The following NXPH2 variants were observed in gnomAD, a reference collection of about 807,000 sequenced individuals.
NXPH2 encodes the protein neurexophilin-2.
Under a neutral mutation model 19.8 loss-of-function variants are expected in NXPH2, and 5 were observed. The ratio of observed to expected loss-of-function variants is 0.25; its 90% CI spans 0.13 to 0.53. The LOEUF (loss-of-function observed/expected upper bound fraction) is 0.53. Among genes scored for constraint, NXPH2 ranks in the 20% least tolerant of loss-of-function variants. The probability of loss-of-function intolerance (pLI) is 0.96; values close to 1 mark genes in which losing one functional copy is unlikely to be tolerated. For missense variants in NXPH2, 289 were observed against 322.8 expected (o/e 0.90, Z 0.80); for synonymous variants, 154 against 127.4 (o/e 1.21, Z -1.41).
intron 1 of NXPH2, among the ~76,000 whole-genome samples, chr2:138,708,056 G>A (rs368615382): frequency 6.6e-6 from 1 of 152,176 alleles, no homozygotes; most frequent in South Asian, 2.1e-4. Context: ...TGCCAGGGCT[G>A]TCTCCTCTTA....
At chr2:138,741,822 G>A (rs1681647306) in intron 1 of NXPH2, among the ~76,000 whole-genome samples, 1 of 152,074 alleles carries the variant, frequency 6.6e-6, no homozygotes, top group African/African-American at 2.4e-5. Context: ...TAATTAATTA[G>A]ATGCCAAATT....
chr2:138,764,719 A>C (rs958626428), intron 1 of NXPH2, among the ~76,000 whole-genome samples: 1 of 152,222 alleles, frequency 6.6e-6, no homozygotes, highest in Non-Finnish European at 1.5e-5. Flanking sequence ...GAAGTTTAGT[A>C]ATGTTACTTG....
At chr2:138,755,549 T>TA (rs1464898736) in intron 1 of NXPH2, among the ~76,000 whole-genome samples, 1 of 152,104 alleles carries the variant, frequency 6.6e-6, no homozygotes, top group Non-Finnish European at 1.5e-5. Flanking sequence ...TTGCTTTTTT[T>TA]AACCAATACC....
chr2:138,678,136 T>C (rs1680514839), intron 1 of NXPH2, among the ~76,000 whole-genome samples: 1 of 152,262 alleles, frequency 6.6e-6, no homozygotes. Context: ...TCTCTGACTT[T>C]CCTTGTTTTG....
intron 1 of NXPH2, among the ~76,000 whole-genome samples, chr2:138,774,848 ATTG>A (rs1465151918): frequency 6.6e-6 from 1 of 152,232 alleles, no homozygotes; most frequent in East Asian, 1.9e-4. Flanking sequence ...CATGAAATTC[ATTG>A]TTCTTCCCAA....
chr2:138,740,238 G>A (rs531164930), intron 1 of NXPH2, among the ~76,000 whole-genome samples: 2 of 152,300 alleles, frequency 1.3e-5, no homozygotes, highest in Non-Finnish European at 2.9e-5. Flanking sequence ...GGGTAACTTA[G>A]GAAGAGAGGG....
intron 1 of NXPH2, among the ~76,000 whole-genome samples, chr2:138,696,938 T>G (rs1277015582): frequency 2.6e-5 from 4 of 152,010 alleles, no homozygotes; most frequent in African/African-American, 4.8e-5. Flanking sequence ...AAAATAAAAA[T>G]AGTAAACCTA....
chr2:138,678,898 A>C (rs965766307), intron 1 of NXPH2, among the ~76,000 whole-genome samples: 3 of 152,298 alleles, frequency 2.0e-5, no homozygotes, highest in Admixed American at 6.5e-5. Flanking sequence ...CAACTTGTTT[A>C]TCAAAGGGAA....
At position 138,670,806 on chromosome 2, in the gene NXPH2, A is replaced by T. The variant is rs1227812005; in HGVS notation, c.*116T>A. 3.7e-6 allele frequency: 4 copies of T among 1,085,594 alleles called. No homozygotes were observed. The highest frequency in any genetic ancestry group is 2.1e-4 in the Middle Eastern group (1 of 4,690). 67.2% of individuals were successfully genotyped at this position (1,085,594 alleles called of 1,614,324 possible). A position where few individuals can be genotyped will look rare whatever the true frequency, so the allele number is the denominator to read the frequency against. On this transcript the variant is annotated 3_prime_UTR_variant, in exon 2 of 2. Coordinates refer to ENST00000272641, the MANE Select transcript of NXPH2 (RefSeq NM_007226.3). ...TTTTAAATTTGAAAACCTGATAGGG[A>T]ACTATTGTTCACTGCCAGAAACAAA...
intron 1 of NXPH2, among the ~76,000 whole-genome samples, chr2:138,701,717 G>A (rs577764036): frequency 1.3e-4 from 20 of 152,272 alleles, no homozygotes; most frequent in African/African-American, 4.8e-4. Context: ...TCAGGGAGAT[G>A]CAGAAATGAA....
At chr2:138,672,947 A>T (rs1680435027) in intron 1 of NXPH2, among the ~76,000 whole-genome samples, 1 of 152,216 alleles carries the variant, frequency 6.6e-6, no homozygotes, top group Non-Finnish European at 1.5e-5. Flanking sequence ...TAGAAGCTTA[A>T]ATCCTAACAG....
chr2:138,742,499 C>A (rs550000949), intron 1 of NXPH2, among the ~76,000 whole-genome samples: 2 of 152,278 alleles, frequency 1.3e-5, no homozygotes, highest in South Asian at 4.1e-4. Context: ...AATTTTCTCA[C>A]TAATATTTCT....
At chr2:138,673,932 G>T (rs1419785147) in intron 1 of NXPH2, among the ~76,000 whole-genome samples, 1 of 151,960 alleles carries the variant, frequency 6.6e-6, no homozygotes, top group Non-Finnish European at 1.5e-5. Context: ...ATATGGGTGA[G>T]AATATGTGTC....
rs1391157149 is a variant in NXPH2, at chr2:138,705,382, AAAT to A, written c.52-33720_52-33718del. On this transcript the variant is annotated intron_variant, in intron 1 of 1. Transcript: ENST00000272641. ...CATGTCTGAGGCATTTTGAGACAATAAATAATCATTCTTTTAAAAAAGAAAGCT... is the reference window on the plus strand; with the variant it reads ...CATGTCTGAGGCATTTTGAGACAATAAATCATTCTTTTAAAAAAGAAAGCT... Among the ~76,000 whole-genome samples the A allele has an allele frequency of 2.0e-5, 3 of 152,308 alleles. No individual in the cohort carries two copies. The East Asian group carries it at 5.8e-4, about 29-fold the overall frequency.
chr2:138,698,063 C>A (rs764985157), intron 1 of NXPH2, among the ~76,000 whole-genome samples: 7 of 152,042 alleles, frequency 4.6e-5, no homozygotes, highest in Admixed American at 6.6e-5. Context: ...ACTTCTGAAG[C>A]GTCCTTAGGA....
At chr2:138,679,400 A>ATT (rs34158790) in intron 1 of NXPH2, among the ~76,000 whole-genome samples, 8,660 of 139,924 alleles carry the variant, frequency 0.062, 385 homozygotes, top group African/African-American at 0.1. Context: ...AGAGGCCTGA[A>ATT]TTTTTTTTTT....
intron 1 of NXPH2, among the ~76,000 whole-genome samples, chr2:138,679,462 G>C (rs996956052): frequency 6.6e-6 from 1 of 150,524 alleles, no homozygotes; most frequent in Admixed American, 6.6e-5. Context: ...GTGCAGTGGC[G>C]CGATCTCGGC....
chr2:138,766,610 T>G (rs1355591122), intron 1 of NXPH2, among the ~76,000 whole-genome samples: 2 of 152,178 alleles, frequency 1.3e-5, no homozygotes, highest in Admixed American at 1.3e-4. Context: ...ATCCAGCAGA[T>G]GGCCTCTGCT....
intron 1 of NXPH2, among the ~76,000 whole-genome samples, chr2:138,685,407 AGTTATGCCT>A: frequency 6.6e-6 from 1 of 152,190 alleles, no homozygotes; most frequent in Non-Finnish European, 1.5e-5. Context: ...TCATTAACTC[AGTTATGCCT>A]GTTGCTTTCT....
Sources: allele counts gnomAD v4.1 joint callset (sites outside exome capture counted in the v4.1 genomes callset), GRCh38; gene constraint gnomAD v4.1.1; transcripts MANE v1.5; gene names NCBI Gene and HGNC (gene_info 2026-07-23, HGNC 2026-07-21).